FOCAD: variants seen among roughly 807,000 people sequenced by gnomAD.
FOCAD encodes the protein KIAA1797.
Under a neutral mutation model 225.6 loss-of-function variants are expected in FOCAD, and 198 were observed. That is an observed-to-expected ratio of 0.88 (90% CI 0.78 to 0.99). The LOEUF is 0.99. Among genes scored for constraint, FOCAD ranks in the 50% least tolerant of loss-of-function variants. The pLI is 0.00. For synonymous variants in FOCAD, 897 were observed against 755.0 expected (o/e 1.19, Z -3.08); for missense variants, 2,713 against 2,123.6 (o/e 1.28, Z -5.46).
chr9:20,772,951 G>A (rs1818384954), intron 8 of FOCAD, among the ~76,000 whole-genome samples: 1 of 144,926 alleles, frequency 6.9e-6, no homozygotes, highest in African/African-American at 2.5e-5. Flanking sequence ...ATATAATCAT[G>A]TTATATATAA....
At chr9:20,945,501 T>C (rs773976927) in intron 29 of FOCAD, among the ~76,000 whole-genome samples, 74 of 152,244 alleles carry the variant, frequency 4.9e-4, no homozygotes, top group Non-Finnish European at 1.6e-4. Context: ...GCTGCTGTGT[T>C]TCCCTGCTCA....
chr9:20,740,341 G>T lies in FOCAD; in HGVS notation c.392+1G>T. ...ATATTCAGAGTATATATACCATTAG[G>T]TAAGCCTTTTTTCTGTTTTTTTTTT... On this transcript the variant is annotated splice_donor_variant, in intron 5 of 43. Transcript: ENST00000338382. LOFTEE classifies it high-confidence loss of function. The T allele has an allele frequency of 6.6e-7, 1 of 1,515,992 alleles. No homozygotes were observed. Among genetic ancestry groups the T allele is most frequent in the East Asian group, 2.3e-5 (1 of 43,778 alleles). 93.9% of individuals were successfully genotyped at this position (1,515,992 alleles called of 1,614,324 possible). A position where few individuals can be genotyped will look rare whatever the true frequency, so the allele number is the denominator to read the frequency against.
chr9:20,953,399 A>G (rs991907425), intron 35 of FOCAD, among the ~76,000 whole-genome samples: 1 of 152,188 alleles, frequency 6.6e-6, no homozygotes, highest in Non-Finnish European at 1.5e-5. Context: ...GAAAGAGAAA[A>G]TACACCTGGG....
rs748319013 is a variant in FOCAD at position 20,672,379 on chromosome 9, A to T, written c.-78+13553A>T. Among the ~76,000 whole-genome samples, 8 of 152,366 alleles carry T rather than the reference A, an allele frequency of 5.3e-5. No homozygotes were observed. The South Asian group carries it at 1.7e-3, about 32-fold the overall frequency. Reference sequence around the variant, plus strand: ...TCTTTATTGATAAATATCAAGCCCTATGGCCTTTCTGCAACACATATTTAA... The same window carrying T: ...TCTTTATTGATAAATATCAAGCCCTTTGGCCTTTCTGCAACACATATTTAA... On this transcript the variant is annotated intron_variant, in intron 2 of 45. Coordinates refer to the FOCAD transcript ENST00000380249.
At chr9:20,871,407 A>G (rs927336031) in intron 18 of FOCAD, among the ~76,000 whole-genome samples, 19 of 152,092 alleles carry the variant, frequency 1.2e-4, no homozygotes, top group African/African-American at 4.3e-4. Context: ...TTTAGCAGCT[A>G]ATATAATATT....
intron 39 of FOCAD, among the ~76,000 whole-genome samples, chr9:20,984,968 T>C (rs982287720): frequency 6.6e-6 from 1 of 152,138 alleles, no homozygotes; most frequent in Admixed American, 6.5e-5. Context: ...GCCTGGCTAA[T>C]TTTTATATTT....
intron 4 of FOCAD, among the ~76,000 whole-genome samples, chr9:20,739,849 G>T (rs989195435): frequency 1.3e-5 from 2 of 152,076 alleles, no homozygotes; most frequent in African/African-American, 4.8e-5. Flanking sequence ...TTTTAGAGTG[G>T]CTGATCCATT....
intron 11 of FOCAD, among the ~76,000 whole-genome samples, chr9:20,812,664 T>G (rs1823217213): frequency 6.6e-6 from 1 of 152,130 alleles, no homozygotes; most frequent in Non-Finnish European, 1.5e-5. Context: ...TATAGATGGC[T>G]TGGAATCTTA....
intron 4 of FOCAD, among the ~76,000 whole-genome samples, chr9:20,734,881 C>T (rs1428823264): frequency 6.6e-6 from 1 of 152,052 alleles, no homozygotes; most frequent in Non-Finnish European, 1.5e-5. Context: ...AAGCGATTCG[C>T]CCACCTTGGG....
intron 35 of FOCAD, among the ~76,000 whole-genome samples, chr9:20,957,017 A>G (rs1431632314): frequency 1.3e-5 from 2 of 152,110 alleles, no homozygotes; most frequent in Non-Finnish European, 2.9e-5. Context: ...TTAATATTAT[A>G]TTATAAACTT....
chr9:20,769,092 T>C (rs1353279399), intron 7 of FOCAD, among the ~76,000 whole-genome samples: 1 of 152,204 alleles, frequency 6.6e-6, no homozygotes, highest in African/African-American at 2.4e-5. Flanking sequence ...TTTCCTACTG[T>C]GTGTTTGCAA....
intron 11 of FOCAD, among the ~76,000 whole-genome samples, chr9:20,801,744 T>C (rs1331219676): frequency 1.3e-5 from 2 of 152,146 alleles, no homozygotes; most frequent in Non-Finnish European, 2.9e-5. Flanking sequence ...ATTTCAGATT[T>C]AATTTTCTTG....
chr9:20,897,661 A>AT (rs1010453315), intron 21 of FOCAD, among the ~76,000 whole-genome samples: 3 of 151,536 alleles, frequency 2.0e-5, no homozygotes, highest in Non-Finnish European at 3.0e-5. Flanking sequence ...AATAATCCTA[A>AT]TTTTTTTCTC....
At chr9:20,955,335 A>C (rs1442378032) in intron 35 of FOCAD, among the ~76,000 whole-genome samples, 1 of 152,094 alleles carries the variant, frequency 6.6e-6, no homozygotes, top group Non-Finnish European at 1.5e-5. Context: ...TGAATCTGTT[A>C]ATCTGTTTTC....
intron 11 of FOCAD, among the ~76,000 whole-genome samples, chr9:20,791,705 C>T (rs1820555041): frequency 6.6e-6 from 1 of 152,116 alleles, no homozygotes; most frequent in Non-Finnish European, 1.5e-5. Flanking sequence ...ATTGGACTAA[C>T]CATCATGATG....
intron 19 of FOCAD, among the ~76,000 whole-genome samples, chr9:20,881,372 A>G (rs1276565456): frequency 6.6e-6 from 1 of 152,198 alleles, no homozygotes; most frequent in East Asian, 1.9e-4. Context: ...AAAGGTCTTG[A>G]TCATGGTCAG....
At chr9:20,835,447 A>G (rs1264134004) in intron 15 of FOCAD, among the ~76,000 whole-genome samples, 2 of 152,072 alleles carry the variant, frequency 1.3e-5, no homozygotes, top group Non-Finnish European at 2.9e-5. Context: ...GTGTGAGTGT[A>G]GTTTAGGAAC....
At chr9:20,944,266 T>C (rs1790375589) in intron 28 of FOCAD, among the ~76,000 whole-genome samples, 1 of 152,224 alleles carries the variant, frequency 6.6e-6, no homozygotes. Context: ...AACATGCAGG[T>C]AGGGGTGTTG....
chr9:20,694,480 T>G (rs1348074998), intron 1 of FOCAD: 1 of 152,238 alleles, frequency 6.6e-6, no homozygotes, highest in African/African-American at 2.4e-5. Flanking sequence ...GCCTCCAATT[T>G]ATTTTTGTAT....
Sources: gnomAD v4.1 joint callset for allele counts (sites outside exome capture counted in the v4.1 genomes callset) on GRCh38, gnomAD v4.1.1 for gene constraint, MANE v1.5 for transcripts, NCBI Gene and HGNC (gene_info 2026-07-23, HGNC 2026-07-21) for gene names.